MYO16: variants seen among roughly 807,000 people sequenced by gnomAD.
The protein encoded by MYO16 is unconventional myosin-XVI.
A neutral mutation model predicts 205.3 loss-of-function variants in MYO16; 94 were observed. The observed-to-expected ratio is 0.46, with a 90% CI of 0.39 to 0.54. The LOEUF is 0.54. Among genes scored for constraint, MYO16 ranks in the 20% least tolerant of loss-of-function variants. The probability of loss-of-function intolerance (pLI) is 0.00; values close to 1 mark genes in which losing one functional copy is unlikely to be tolerated. For missense variants in MYO16, 2,315 were observed against 2,387.5 expected (o/e 0.97, Z 0.63); for synonymous variants, 988 against 954.0 (o/e 1.04, Z -0.66).
chr13:108,872,457 C>G (rs74119685), intron 12 of MYO16, among the ~76,000 whole-genome samples: 1 of 151,730 alleles, frequency 6.6e-6, no homozygotes, highest in Admixed American at 6.6e-5. Context: ...TCAGATAATA[C>G]GTTGTATTTG....
At chr13:109,155,615 A>G (rs528469239) in intron 32 of MYO16, among the ~76,000 whole-genome samples, 2 of 152,374 alleles carry the variant, frequency 1.3e-5, no homozygotes, top group South Asian at 4.1e-4. Context: ...CTGGGAACCC[A>G]GTTCTCTTCC....
At position 108,745,660 on chromosome 13, in the gene MYO16, AAAGGC is replaced by A. The variant is rs1372636885; in HGVS notation, c.507+18082_507+18086del. On this transcript the variant is annotated intron_variant, in intron 4 of 34. Coordinates refer to ENST00000457511, the MANE Select transcript of MYO16 (RefSeq NM_001198950.3). ...CAATGAAAAATTAAAAGACATGTCA[AAAGGC>A]AAGGAAAACACAGTTTGAAGATATA... Among the ~76,000 whole-genome samples, 4 of 152,330 alleles carry A rather than the reference AAAGGC, an allele frequency of 2.6e-5. No individual in the cohort carries two copies. In the East Asian group the frequency reaches 7.7e-4, roughly 29 times the overall value.
intron 27 of MYO16, among the ~76,000 whole-genome samples, chr13:109,070,035 C>G (rs1046643933): frequency 9.2e-5 from 14 of 152,104 alleles, no homozygotes; most frequent in African/African-American, 3.4e-4. Context: ...CAGTGTATTG[C>G]CAGCAGAATT....
At chr13:108,834,550 G>T (rs1876796001) in intron 9 of MYO16, among the ~76,000 whole-genome samples, 1 of 151,594 alleles carries the variant, frequency 6.6e-6, no homozygotes, top group Non-Finnish European at 1.5e-5. Flanking sequence ...AGGCCTTCTG[G>T]GTCACTACCC....
At chr13:108,886,089 G>A (rs1482314050) in intron 13 of MYO16, among the ~76,000 whole-genome samples, 2 of 152,008 alleles carry the variant, frequency 1.3e-5, no homozygotes, top group East Asian at 3.9e-4. Flanking sequence ...CCGGGTTGAC[G>A]TCATTCTCCT....
intron 3 of MYO16, among the ~76,000 whole-genome samples, chr13:108,723,891 G>C (rs1884249529): frequency 6.6e-6 from 1 of 152,024 alleles, no homozygotes. Context: ...CATTTGGATT[G>C]AATCTACAGA....
intron 33 of MYO16, among the ~76,000 whole-genome samples, chr13:109,178,800 G>A (rs1316328435): frequency 6.6e-6 from 1 of 152,090 alleles, no homozygotes; most frequent in Non-Finnish European, 1.5e-5. Context: ...GGATGCATGG[G>A]GCAGACCCCA....
intron 2 of MYO16, among the ~76,000 whole-genome samples, chr13:108,704,938 C>T (rs1214188331): frequency 4.2e-5 from 6 of 142,692 alleles, no homozygotes; most frequent in African/African-American, 1.5e-4. Context: ...GCTAAACTGA[C>T]AAAAAAAAAA....
chr13:108,648,188 C>A (rs1038604939), intron 1 of MYO16, among the ~76,000 whole-genome samples: 3 of 152,164 alleles, frequency 2.0e-5, no homozygotes, highest in Non-Finnish European at 4.4e-5. Flanking sequence ...CATAATGGGA[C>A]AAAGATGGTC....
intron 23 of MYO16, among the ~76,000 whole-genome samples, chr13:109,029,041 A>G (rs1282014381): frequency 6.8e-6 from 1 of 146,806 alleles, no homozygotes; most frequent in Non-Finnish European, 1.5e-5. Context: ...TTGATGCTGC[A>G]ATGCTGCAGT....
intron 12 of MYO16, among the ~76,000 whole-genome samples, chr13:108,882,603 A>C (rs1027263968): frequency 3.3e-5 from 5 of 152,146 alleles, no homozygotes; most frequent in African/African-American, 1.2e-4. Context: ...AAATTAATTA[A>C]TTTTTGTTTT....
intron 24 of MYO16, among the ~76,000 whole-genome samples, chr13:109,051,237 C>G (rs1345326686): frequency 1.3e-5 from 2 of 152,130 alleles, no homozygotes; most frequent in African/African-American, 4.8e-5. Flanking sequence ...CTTCCTGCTT[C>G]CCTGTTCGTT....
chr13:109,023,822 A>G (rs949605496), intron 23 of MYO16, among the ~76,000 whole-genome samples: 1 of 136,324 alleles, frequency 7.3e-6, no homozygotes, highest in African/African-American at 2.7e-5. Context: ...TTTATATTTT[A>G]TATTTGCATT....
chr13:108,595,696 TAACGCTGCTGA>T (rs1162350033), upstream of MYO16, among the ~76,000 whole-genome samples: 4 of 152,106 alleles, frequency 2.6e-5, no homozygotes, highest in African/African-American at 9.7e-5. Flanking sequence ...TTCCAATAAA[TAACGCTGCTGA>T]TCTTCACGCC....
Position 108,855,504 on chromosome 13 carries a change from G to A in MYO16, c.1310G>A (p.Gly437Asp), listed in dbSNP as rs369176131. 7.5e-6 allele frequency: 12 copies of A among 1,598,604 alleles called. No individual in the cohort carries two copies. In the African/African-American group the frequency reaches 1.3e-4, roughly 18 times the overall value. The change falls in exon 11 of 35, where the codon GGC becomes GAC. Residue 437 changes from glycine to aspartate, a missense_variant. Physicochemically the swap from Gly to Asp is moderately conservative, Grantham distance 94. Transcript: ENST00000457511. ...DLATLSELND[G>D]SLLYEIQKRF... ...GCAACGCTCAGCGAGCTCAATGATGGCAGCCTGCTCTATGAGATTCAGAAG... is the reference window on the plus strand; with the variant it reads ...GCAACGCTCAGCGAGCTCAATGATGACAGCCTGCTCTATGAGATTCAGAAG...
chr13:108,949,623 G>T (rs187499913), intron 16 of MYO16, among the ~76,000 whole-genome samples: 80 of 152,250 alleles, frequency 5.3e-4, no homozygotes, highest in Non-Finnish European at 9.6e-4. Flanking sequence ...TAGGTTTAGT[G>T]TAATTCCTGT....
intron 2 of MYO16, among the ~76,000 whole-genome samples, chr13:108,699,748 CA>C (rs1449684524): frequency 1.3e-5 from 2 of 152,160 alleles, no homozygotes; most frequent in African/African-American, 4.8e-5. Flanking sequence ...GTAAGTTTGA[CA>C]ATAGCCTTTT....
upstream of MYO16, among the ~76,000 whole-genome samples, chr13:108,594,625 C>T (rs1011540718): frequency 6.6e-6 from 1 of 152,148 alleles, no homozygotes; most frequent in Non-Finnish European, 1.5e-5. Flanking sequence ...CCTCAATTCC[C>T]CTGATGCGGC....
chr13:109,203,892 G>A (rs963576457), intron 34 of MYO16, among the ~76,000 whole-genome samples: 5 of 152,154 alleles, frequency 3.3e-5, no homozygotes, highest in African/African-American at 1.2e-4. Flanking sequence ...TGTGGACGAT[G>A]GCTGTGCATT....
Sources: gnomAD v4.1 joint callset for allele counts (sites outside exome capture counted in the v4.1 genomes callset) on GRCh38, gnomAD v4.1.1 for gene constraint, MANE v1.5 for transcripts, NCBI Gene and HGNC (gene_info 2026-07-23, HGNC 2026-07-21) for gene names.